The following RANBP2 variants were observed in gnomAD, a reference collection of about 807,000 sequenced individuals.
RANBP2 encodes the protein E3 SUMO-protein ligase RanBP2.
A neutral mutation model predicts 303.6 loss-of-function variants in RANBP2; 57 were observed. The ratio of observed to expected loss-of-function variants is 0.19; its 90% confidence interval spans 0.15 to 0.23. The LOEUF is 0.23. Ranked by LOEUF, RANBP2 falls within the 10% of genes least tolerant of loss-of-function variation. The probability of loss-of-function intolerance (pLI) is 1.00; values close to 1 mark genes in which losing one functional copy is unlikely to be tolerated. For synonymous variants in RANBP2, 1,167 were observed against 1,301.5 expected (o/e 0.90, Z 2.23); for missense variants, 3,138 against 3,780.8 (o/e 0.83, Z 4.46).
the RANBP2 span, among the ~76,000 whole-genome samples, chr2:108,879,076 A>C: frequency 1.3e-5 from 2 of 152,238 alleles, no homozygotes; most frequent in Non-Finnish European, 2.9e-5. Context: ...ACTGTTCTCT[A>C]GGAAAAGATC....
At chr2:108,932,506 G>C in the RANBP2 span, among the ~76,000 whole-genome samples, 2 of 142,480 alleles carry the variant, frequency 1.4e-5, no homozygotes, top group Non-Finnish European at 3.0e-5. Context: ...TCCAGCCTGG[G>C]CGACAGAGTG....
the RANBP2 span, among the ~76,000 whole-genome samples, chr2:109,600,552 AC>A: frequency 3.3e-5 from 5 of 151,764 alleles, no homozygotes; most frequent in African/African-American, 1.2e-4. Context: ...AAAAAAAAAA[AC>A]CACAAACTGT....
chr2:109,063,110 C>T, the RANBP2 span, among the ~76,000 whole-genome samples: 1 of 152,190 alleles, frequency 6.6e-6, no homozygotes, highest in Non-Finnish European at 1.5e-5. Context: ...ACCTGAGACC[C>T]TCCCATGCCA....
At chr2:108,881,136 A>G in the RANBP2 span, among the ~76,000 whole-genome samples, 1 of 152,246 alleles carries the variant, frequency 6.6e-6, no homozygotes, top group Non-Finnish European at 1.5e-5. Context: ...TTTCATCTAC[A>G]TTGAAAATCT....
the RANBP2 span, chr2:108,906,263 C>T: frequency 1.2e-6 from 2 of 1,602,526 alleles, no homozygotes; most frequent in Non-Finnish European, 1.7e-6. Flanking sequence ...CCCTTCATGT[C>T]GGTGGGGTGG....
chr2:109,177,006 C>G, the RANBP2 span, among the ~76,000 whole-genome samples: 1 of 152,114 alleles, frequency 6.6e-6, no homozygotes, highest in Non-Finnish European at 1.5e-5. Flanking sequence ...CTGGGGTGAG[C>G]AGGCTTTTCC....
chr2:109,077,686 A>G, the RANBP2 span, among the ~76,000 whole-genome samples: 3 of 150,416 alleles, frequency 2.0e-5, no homozygotes, highest in East Asian at 5.8e-4. Flanking sequence ...ATACATACAA[A>G]TGTCCAATAG....
the RANBP2 span, among the ~76,000 whole-genome samples, chr2:109,237,928 G>A: frequency 5.3e-5 from 8 of 152,322 alleles, no homozygotes; most frequent in African/African-American, 1.9e-4. Context: ...TTAGTGTTAT[G>A]CCACCAAATT....
chr2:108,819,419 CCTCA>C, the RANBP2 span, among the ~76,000 whole-genome samples: 2 of 152,178 alleles, frequency 1.3e-5, no homozygotes, highest in Non-Finnish European at 2.9e-5. Flanking sequence ...CTGCATCTCA[CCTCA>C]CTCAGAGTGC....
chr2:109,312,629 C>T, the RANBP2 span, among the ~76,000 whole-genome samples: 1 of 152,206 alleles, frequency 6.6e-6, no homozygotes, highest in Middle Eastern at 3.2e-3. Flanking sequence ...TCATCCGATA[C>T]ATGGCCCTTT....
chr2:109,055,863 C>A, the RANBP2 span, among the ~76,000 whole-genome samples: 1 of 148,700 alleles, frequency 6.7e-6, no homozygotes, highest in Non-Finnish European at 1.5e-5. Flanking sequence ...TGGGTTCAAG[C>A]AATTCTCTGC....
chr2:109,044,391 C>T, the RANBP2 span, among the ~76,000 whole-genome samples: 48 of 151,952 alleles, frequency 3.2e-4, no homozygotes, highest in African/African-American at 1.0e-3. Flanking sequence ...GGTATGGTGG[C>T]GGACACCTGT....
chr2:109,727,455 G>C, the RANBP2 span, among the ~76,000 whole-genome samples: 1 of 152,210 alleles, frequency 6.6e-6, no homozygotes, highest in Non-Finnish European at 1.5e-5. Flanking sequence ...ACTCCAAGCC[G>C]AGTCCGTATC....
the RANBP2 span, among the ~76,000 whole-genome samples, chr2:109,646,064 T>C: frequency 0.023 from 3,578 of 152,292 alleles, 125 homozygotes; most frequent in African/African-American, 0.082. Context: ...CGGAATGCTG[T>C]CCCCAACCTT....
At chr2:109,163,566 T>A in the RANBP2 span, among the ~76,000 whole-genome samples, 2 of 150,964 alleles carry the variant, frequency 1.3e-5, no homozygotes, top group Non-Finnish European at 1.5e-5. Context: ...GCCCGGCTAA[T>A]TTTTTTGTAT....
At chr2:109,449,091 G>A in the RANBP2 span, 8 of 1,492,986 alleles carry the variant, frequency 5.4e-6, no homozygotes, top group Admixed American at 1.2e-4. Context: ...GAGCCTGAGT[G>A]TGCATTGCAG....
the RANBP2 span, among the ~76,000 whole-genome samples, chr2:109,339,879 T>C: frequency 6.6e-6 from 1 of 152,152 alleles, no homozygotes; most frequent in Admixed American, 6.5e-5. Context: ...CCTTCCATAA[T>C]TAAACAGATA....
At chr2:109,628,350 T>C in the RANBP2 span, among the ~76,000 whole-genome samples, 4 of 151,898 alleles carry the variant, frequency 2.6e-5, no homozygotes, top group East Asian at 1.9e-4. Flanking sequence ...AAAAATTAAC[T>C]AGGTGTGGTG....
chr2:109,318,730 CA>C, the RANBP2 span, among the ~76,000 whole-genome samples: 1 of 152,166 alleles, frequency 6.6e-6, no homozygotes. Context: ...GGCCAGCCGC[CA>C]GATACTGACC....
Sources: gnomAD v4.1 joint callset for allele counts (sites outside exome capture counted in the v4.1 genomes callset) on GRCh38, gnomAD v4.1.1 for gene constraint, MANE v1.5 for transcripts, NCBI Gene and HGNC (gene_info 2026-07-23, HGNC 2026-07-21) for gene names.